Variants in PLS3 observed in about 807,000 individuals in gnomAD.
PLS3 encodes plastin-3.
A neutral mutation model predicts 46.5 loss-of-function variants in PLS3; 11 were observed. The observed-to-expected ratio is 0.24, with a 90% CI of 0.15 to 0.39. PLS3 has a LOEUF of 0.39. Ranked by LOEUF, PLS3 falls within the 10% of genes least tolerant of loss-of-function variation. PLS3 has a pLI of 1.00. For synonymous variants in PLS3, 167 were observed against 162.2 expected, an observed-to-expected ratio of 1.03 and a Z score of -0.22; for missense variants, 308 against 461.8, an observed-to-expected ratio of 0.67 and a Z score of 3.05.
chrX:115,592,316 T>C (rs1339131140), intron 1 of PLS3, among the ~76,000 whole-genome samples: 4 of 111,841 alleles, frequency 3.6e-5, no homozygotes, highest in Admixed American at 9.5e-5. Context: ...CAGACACTCT[T>C]ACATATTTAT....
At chrX:115,575,537 G>C (rs781848977) in intron 1 of PLS3, among the ~76,000 whole-genome samples, 170 of 111,582 alleles carry the variant, frequency 1.5e-3, no homozygotes, top group African/African-American at 5.5e-3. Context: ...TCCGCCTCCC[G>C]GGTTCACGCC....
At chrX:115,581,016 G>A (rs943341884) in intron 1 of PLS3, among the ~76,000 whole-genome samples, 8 of 111,143 alleles carry the variant, frequency 7.2e-5, no homozygotes, top group Non-Finnish European at 1.3e-4. Flanking sequence ...TATTACAGGC[G>A]TGAACCACCA....
At chrX:115,642,364 A>G (rs2074907232) in intron 9 of PLS3, among the ~76,000 whole-genome samples, 1 of 111,639 alleles carries the variant, frequency 9.0e-6, no homozygotes, top group African/African-American at 3.3e-5. Flanking sequence ...AAATCAGTGG[A>G]AATAGATTCT....
intron 3 of PLS3, among the ~76,000 whole-genome samples, chrX:115,624,755 A>G (rs782573951): frequency 2.7e-4 from 30 of 112,158 alleles, no homozygotes; most frequent in African/African-American, 9.4e-4. Context: ...ATGCACAATA[A>G]TTTTGGCAAC....
intron 2 of PLS3, among the ~76,000 whole-genome samples, chrX:115,614,996 GAC>G (rs1569527984): frequency 9.0e-6 from 1 of 110,898 alleles, no homozygotes; most frequent in Non-Finnish European, 1.9e-5. Context: ...CATAAAGAAA[GAC>G]ACCAGATTTA....
At chrX:115,580,548 C>CT (rs1224404523) in intron 1 of PLS3, among the ~76,000 whole-genome samples, 1 of 112,295 alleles carries the variant, frequency 8.9e-6, no homozygotes, top group Non-Finnish European at 1.9e-5. Flanking sequence ...CAGTATCACA[C>CT]TGTCTTGATT....
chrX:115,594,259 T>G (rs1569526962), intron 1 of PLS3, among the ~76,000 whole-genome samples: 1 of 111,447 alleles, frequency 9.0e-6, no homozygotes, highest in Admixed American at 9.6e-5. Context: ...ACATTAGGAT[T>G]TTCCATCACA....
At chrX:115,564,510 G>A (rs910824467) in intron 1 of PLS3, among the ~76,000 whole-genome samples, 8 of 112,335 alleles carry the variant, frequency 7.1e-5, no homozygotes, top group African/African-American at 2.6e-4. Context: ...ACAGAATTCT[G>A]TTACTGAAAA....
intron 1 of PLS3, among the ~76,000 whole-genome samples, chrX:115,596,552 C>T (rs1336700843): frequency 2.7e-5 from 3 of 111,765 alleles, no homozygotes; most frequent in Non-Finnish European, 5.6e-5. Context: ...TAAAATAATA[C>T]AAGGCTGGGC....
chrX:115,626,592 C>G (rs1556638525), intron 3 of PLS3, among the ~76,000 whole-genome samples: 6 of 110,320 alleles, frequency 5.4e-5, no homozygotes. Context: ...CCCATTTTTA[C>G]TTTTTTAAAA....
intron 1 of PLS3, among the ~76,000 whole-genome samples, chrX:115,595,519 G>A (rs781842710): frequency 9.1e-6 from 1 of 110,156 alleles, no homozygotes; most frequent in Admixed American, 9.8e-5. Context: ...AGGACAGGAA[G>A]AGAGAATAGA....
chrX:115,597,350 G>A (rs782131354), intron 1 of PLS3, among the ~76,000 whole-genome samples: 1 of 110,751 alleles, frequency 9.0e-6, no homozygotes, highest in Non-Finnish European at 1.9e-5. Context: ...CATCCACAGG[G>A]GTTATTGGAG....
intron 1 of PLS3, among the ~76,000 whole-genome samples, chrX:115,607,261 C>T (rs2074502331): frequency 1.5e-5 from 1 of 66,601 alleles, no homozygotes; most frequent in South Asian, 1.1e-3. Flanking sequence ...GACCCTGTCT[C>T]AATAAACAAA....
At chrX:115,612,435 A>C (rs2074556448) in intron 2 of PLS3, among the ~76,000 whole-genome samples, 4 of 111,727 alleles carry the variant, frequency 3.6e-5, no homozygotes, top group African/African-American at 1.3e-4. Context: ...GGCAACCGTC[A>C]AAGGTGTTAT....
intron 9 of PLS3, among the ~76,000 whole-genome samples, chrX:115,640,978 C>A (rs1423049135): frequency 1.8e-5 from 2 of 110,959 alleles, no homozygotes; most frequent in African/African-American, 6.5e-5. Flanking sequence ...AGACCATGTT[C>A]CCTGGTTATG....
chrX:115,591,846 C>T (rs1184490705), intron 1 of PLS3, among the ~76,000 whole-genome samples: 1 of 112,581 alleles, frequency 8.9e-6, no homozygotes, highest in Non-Finnish European at 1.9e-5. Context: ...ATTTCATTCA[C>T]ATAGTGAGTC....
At chrX:115,571,393 C>T (rs2074215020) in intron 1 of PLS3, among the ~76,000 whole-genome samples, 1 of 110,909 alleles carries the variant, frequency 9.0e-6, no homozygotes, top group African/African-American at 3.3e-5. Flanking sequence ...TGGCCCATGC[C>T]TATGTACCCA....
chrX:115,600,074 T>C (rs180767411), intron 1 of PLS3, among the ~76,000 whole-genome samples: 3 of 111,397 alleles, frequency 2.7e-5, no homozygotes, highest in Admixed American at 9.6e-5. Context: ...CAAATTCTCA[T>C]TGCTGTGATC....
At chrX:115,645,225 G>A (rs1556641537) in intron 11 of PLS3, 126 bp downstream of exon 11, 1 of 491,355 alleles carries the variant, frequency 2.0e-6, no homozygotes, top group African/African-American at 2.4e-5. Flanking sequence ...ATGTCAAGTG[G>A]TGATTTCCAT....
Sources: gnomAD v4.1 joint callset for allele counts (sites outside exome capture counted in the v4.1 genomes callset) on GRCh38, gnomAD v4.1.1 for gene constraint, MANE v1.5 for transcripts, NCBI Gene and HGNC (gene_info 2026-07-23, HGNC 2026-07-21) for gene names.